CTDP1: variants seen among roughly 807,000 people sequenced by gnomAD.
The protein encoded by CTDP1 is RNA polymerase II subunit A C-terminal domain phosphatase.
Under a neutral mutation model 91.8 loss-of-function variants are expected in CTDP1, and 47 were observed. The ratio of observed to expected loss-of-function variants is 0.51; its 90% confidence interval spans 0.41 to 0.65. The LOEUF is 0.65. Among genes scored for constraint, CTDP1 ranks in the 30% least tolerant of loss-of-function variants. The probability of loss-of-function intolerance (pLI) is 0.00; values close to 1 mark genes in which losing one functional copy is unlikely to be tolerated. For synonymous variants in CTDP1, 656 were observed against 598.5 expected (o/e 1.10, Z -1.40); for missense variants, 1,272 against 1,373.7 (o/e 0.93, Z 1.17).
rs2086252088 is a variant in CTDP1, at chr18:79,717,901, G to C, written c.2302G>C (p.Gly768Arg). The stretch of plus-strand genomic sequence containing the variant: ...GCCGGTTCTTCCCAAGGCCCAGCCT[G>C]GCCCCGAGGTTCGGATCTACGACTC... ...PMPVLPKAQP[G>R]PEVRIYDSNT... Residue 768 changes from glycine (G) to arginine (R), a missense_variant, in exon 10 of 13, where the codon GGC becomes CGC. Physicochemically the swap from Gly to Arg is moderately radical, Grantham distance 125. Coordinates refer to ENST00000613122, the MANE Select transcript of CTDP1 (RefSeq NM_004715.5). The C allele has an allele frequency of 6.2e-7, 1 of 1,613,586 alleles. No individual in the cohort carries two copies. The highest frequency in any genetic ancestry group is 1.3e-5 in the African/African-American group (1 of 75,052).
chr18:79,699,238 C>T (rs2085807701), intron 4 of CTDP1, among the ~76,000 whole-genome samples: 1 of 152,040 alleles, frequency 6.6e-6, no homozygotes, highest in African/African-American at 2.4e-5. Context: ...TCGTTCATAC[C>T]CGCTACTCTA....
chr18:79,736,042 G>A (rs2086660477), intron 11 of CTDP1: 1 of 391,288 alleles, frequency 2.6e-6, no homozygotes, highest in African/African-American at 2.0e-5. Flanking sequence ...CAAATATTCT[G>A]ATTATTCACC....
chr18:79,718,066 T>A (rs1339821498), intron 10 of CTDP1, 50 bp downstream of exon 10: 1 of 1,601,360 alleles, frequency 6.2e-7, no homozygotes, highest in South Asian at 1.1e-5. Flanking sequence ...CTCTTCAAGC[T>A]TGCTGCTCCA....
intron 10 of CTDP1, among the ~76,000 whole-genome samples, chr18:79,721,522 A>G (rs1463258501): frequency 6.6e-6 from 1 of 152,242 alleles, no homozygotes; most frequent in Non-Finnish European, 1.5e-5. Context: ...TTTCGAAATT[A>G]TGTGATAATT....
At chr18:79,720,007 G>T (rs148754653) in intron 10 of CTDP1, among the ~76,000 whole-genome samples, 13,087 of 120,156 alleles carry the variant, frequency 0.11, 1,216 homozygotes, top group Non-Finnish European at 0.16. Flanking sequence ...ATCTCCTGTC[G>T]TTAGGAAGGC....
chr18:79,698,279 C>T (rs1485974483), intron 4 of CTDP1, among the ~76,000 whole-genome samples: 2 of 152,076 alleles, frequency 1.3e-5, no homozygotes, highest in African/African-American at 4.8e-5. Context: ...AGAAACGTCC[C>T]GAGCCTGTGA....
At chr18:79,712,473 G>A (rs776690843) in intron 6 of CTDP1, among the ~76,000 whole-genome samples, 4 of 152,036 alleles carry the variant, frequency 2.6e-5, no homozygotes, top group Non-Finnish European at 5.9e-5. Context: ...GTAGAGACAG[G>A]GTCTTCCTAT....
At position 79,680,106 on chromosome 18, in the gene CTDP1, G is replaced by A; in HGVS notation, c.159G>A (p.Glu53=). Residue 53 remains glutamate (E), a synonymous_variant, in exon 1 of 13, where the codon GAG becomes GAA. Transcript: ENST00000613122. The stretch of plus-strand genomic sequence containing the variant: ...TCGGCTCGGTGCTGGCCGTGTTCGA[G>A]GCCGCCGCCTCCGCGCAGTCCTCCG... The part of the protein sequence containing the change: ...VRIGSVLAVF[E]AAASAQSSGA... 7.1e-7 allele frequency: 1 copy of A among 1,416,144 alleles called. No homozygotes were observed. The highest frequency in any genetic ancestry group is 9.2e-7 in the Non-Finnish European group (1 of 1,085,076). 87.7% of individuals were successfully genotyped at this position (1,416,144 alleles called of 1,614,324 possible).
intron 6 of CTDP1, 31 bp from the exon 7 acceptor site, chr18:79,712,941 T>G (rs1184730360): frequency 6.2e-7 from 1 of 1,609,782 alleles, no homozygotes; most frequent in South Asian, 1.1e-5. Flanking sequence ...TTCATTATTA[T>G]TTTTTGTAAA....
chr18:79,732,648 C>T (rs184454288), intron 11 of CTDP1, among the ~76,000 whole-genome samples: 13 of 150,412 alleles, frequency 8.6e-5, no homozygotes, highest in East Asian at 2.0e-4. Flanking sequence ...TCACGTGAGA[C>T]GTAAGAACTC....
chr18:79,728,887 A>T lies in CTDP1; in HGVS notation c.2418-20A>T. ...TTCGAACTGACCTTCCTCATGTGGG[A>T]CCTATGAAATTCCTTTCAGAGCGGT... On this transcript the variant is annotated intron_variant, in intron 10 of 12. Coordinates refer to ENST00000613122, the MANE Select transcript of CTDP1 (RefSeq NM_004715.5). The T allele has an allele frequency of 6.2e-7, 1 of 1,613,282 alleles. No homozygotes were observed. Among genetic ancestry groups the T allele is most frequent in the Non-Finnish European group, 8.5e-7 (1 of 1,179,976 alleles).
chr18:79,737,967 G>A (rs1020427103), intron 12 of CTDP1, among the ~76,000 whole-genome samples: 3 of 152,090 alleles, frequency 2.0e-5, no homozygotes, highest in African/African-American at 7.2e-5. Context: ...GCCTGTTTCT[G>A]AATCCCTGGC....
Position 79,714,761 on chromosome 18 carries a change from G to A in CTDP1, c.1301G>A (p.Arg434Gln), listed in dbSNP as rs201868467. 63 of 1,601,550 alleles carry A rather than the reference G, an allele frequency of 3.9e-5. No individual in the cohort carries two copies. Among genetic ancestry groups the A allele is most frequent in the African/African-American group, 2.3e-4 (17 of 74,974 alleles). ...CAGGGATCCTGTGCGCAGGGTGGCC[G>A]GGTGGCACCGGGACAGCGGCCTGCC... is the stretch of plus-strand genomic sequence containing the variant. ...EPQGSCAQGG[R>Q]VAPGQRPAQG... Residue 434 changes from arginine (R) to glutamine (Q), a missense_variant, in exon 8 of 13, where the codon CGG becomes CAG. Around this residue, in one of 3 missense-constraint regions of CTDP1, gnomAD observed 881 missense variants for 911.6 expected, o/e 0.97. Transcript: ENST00000613122.
chr18:79,712,838 G>A (rs1195956214), intron 6 of CTDP1, 134 bp from the exon 7 acceptor site: 2 of 878,016 alleles, frequency 2.3e-6, no homozygotes, highest in Non-Finnish European at 3.6e-6. Context: ...CTTCGGGGCG[G>A]TTGGTGTCCG....
intron 12 of CTDP1, among the ~76,000 whole-genome samples, chr18:79,740,185 T>C (rs12608291): frequency 0.039 from 5,715 of 145,194 alleles, 697 homozygotes; most frequent in South Asian, 0.13. Flanking sequence ...GGGACTCTCA[T>C]ACCCACGGCC....
intron 10 of CTDP1, among the ~76,000 whole-genome samples, chr18:79,720,817 G>T (rs764989842): frequency 1.3e-5 from 2 of 152,158 alleles, no homozygotes; most frequent in Non-Finnish European, 2.9e-5. Flanking sequence ...TAGGGGCTCA[G>T]TCCCACCAGG....
At chr18:79,686,430 A>G (rs1354622632) in intron 1 of CTDP1, among the ~76,000 whole-genome samples, 2 of 152,232 alleles carry the variant, frequency 1.3e-5, no homozygotes, top group Non-Finnish European at 2.9e-5. Flanking sequence ...ATGTAGAGAG[A>G]ATGGAACTGA....
At chr18:79,750,840 A>G (rs2086983090) in intron 12 of CTDP1, among the ~76,000 whole-genome samples, 1 of 151,570 alleles carries the variant, frequency 6.6e-6, no homozygotes, top group African/African-American at 2.4e-5. Context: ...GATGGGATGC[A>G]TTGCTTTTTA....
Position 79,680,157 on chromosome 18 carries a change from C to T in CTDP1, c.210C>T (p.Ser70=), listed in dbSNP as rs1187499069. ...SSGASQSRVA[S]GGCVRPARPE... ...GGGCCTCTCAGTCCCGTGTAGCCTC[C>T]GGGGGCTGCGTGCGCCCCGCGCGGC... Residue 70 remains serine (S), a synonymous_variant, in exon 1 of 13, where the codon TCC becomes TCT. Coordinates refer to ENST00000613122, the MANE Select transcript of CTDP1 (RefSeq NM_004715.5). 7 of 1,399,670 alleles carry T rather than the reference C, an allele frequency of 5.0e-6. No homozygotes were observed. The African/African-American group carries it at 6.1e-5, about 12-fold the overall frequency. The allele number at this position is 1,399,670 out of a possible 1,614,324, so 86.7% of individuals were successfully genotyped here.
Sources: allele counts gnomAD v4.1 joint callset (sites outside exome capture counted in the v4.1 genomes callset), GRCh38; gene constraint gnomAD v4.1.1; regional missense constraint gnomAD v4.1.1; transcripts MANE v1.5; gene names NCBI Gene and HGNC (gene_info 2026-07-23, HGNC 2026-07-21).